ADGRB3: variants seen among roughly 807,000 people sequenced by gnomAD.
ADGRB3 encodes the protein brain-specific angiogenesis inhibitor 3.
In ADGRB3, 37 loss-of-function variants were observed where a neutral mutation model predicts 193.4. The ratio of observed to expected loss-of-function variants is 0.19; its 90% CI spans 0.15 to 0.25. The LOEUF (loss-of-function observed/expected upper bound fraction) is 0.25. ADGRB3 is among the 10% of genes least tolerant of loss of function. The pLI is 1.00. For synonymous variants in ADGRB3, 690 were observed against 644.2 expected (o/e 1.07, Z -1.08); for missense variants, 1,637 against 1,852.9 (o/e 0.88, Z 2.14).
chr6:69,271,333 A>G (rs1326494675), intron 20 of ADGRB3, among the ~76,000 whole-genome samples: 1 of 152,140 alleles, frequency 6.6e-6, no homozygotes, highest in African/African-American at 2.4e-5. Context: ...GGGTAAATGA[A>G]TGTTACATTA....
chr6:68,883,392 T>A (rs1765789961), intron 3 of ADGRB3, among the ~76,000 whole-genome samples: 1 of 152,168 alleles, frequency 6.6e-6, no homozygotes, highest in South Asian at 2.1e-4. Context: ...AAAAGCAGGC[T>A]GCAGCACCAG....
At chr6:69,332,239 T>A (rs1226942492) in intron 23 of ADGRB3, 12 of 985,358 alleles carry the variant, frequency 1.2e-5, no homozygotes, top group Non-Finnish European at 1.4e-5. Flanking sequence ...TTTCATTTCA[T>A]GTATCATGCA....
intron 21 of ADGRB3, among the ~76,000 whole-genome samples, chr6:69,325,520 A>G (rs541236319): frequency 2.6e-5 from 4 of 152,348 alleles, no homozygotes; most frequent in Admixed American, 6.5e-5. Context: ...CCTCAAAAGC[A>G]GAAACAGAAT....
At chr6:68,858,498 C>CAA (rs11435140) in intron 3 of ADGRB3, among the ~76,000 whole-genome samples, 916 of 76,620 alleles carry the variant, frequency 0.012, 9 homozygotes, top group African/African-American at 0.017. Context: ...TGCAACACTC[C>CAA]AAAAAAAAAA....
intron 3 of ADGRB3, among the ~76,000 whole-genome samples, chr6:68,653,323 C>A (rs936135156): frequency 1.3e-5 from 2 of 152,084 alleles, no homozygotes; most frequent in African/African-American, 4.8e-5. Flanking sequence ...CCTAATCTAT[C>A]CTATTCTGAC....
intron 13 of ADGRB3, among the ~76,000 whole-genome samples, chr6:69,026,142 T>G (rs1770428018): frequency 6.6e-6 from 1 of 152,196 alleles, no homozygotes; most frequent in Non-Finnish European, 1.5e-5. Flanking sequence ...CTCATGGAAT[T>G]TATGTTTTGT....
At chr6:69,050,597 T>A (rs1018994325) in intron 15 of ADGRB3, among the ~76,000 whole-genome samples, 1 of 152,200 alleles carries the variant, frequency 6.6e-6, no homozygotes, top group African/African-American at 2.4e-5. Flanking sequence ...TTGTGTTTGA[T>A]GTTGAGGAGA....
At chr6:68,836,429 G>C (rs113772490) in intron 3 of ADGRB3, among the ~76,000 whole-genome samples, 342 of 152,182 alleles carry the variant, frequency 2.2e-3, no homozygotes, top group African/African-American at 7.9e-3. Flanking sequence ...AGCAAAGATG[G>C]AGAAAACTCC....
chr6:68,974,690 C>A, intron 8 of ADGRB3, 73 bp from the exon 9 acceptor site: 1 of 1,152,464 alleles, frequency 8.7e-7, no homozygotes, highest in South Asian at 1.3e-5. Flanking sequence ...TAGAGAGGTG[C>A]CTTTGACAAT....
chr6:69,202,650 A>G (rs1751710), intron 17 of ADGRB3, among the ~76,000 whole-genome samples: 58,361 of 152,010 alleles, frequency 0.38, 12,261 homozygotes, highest in African/African-American at 0.56. Context: ...AACTAAGTTA[A>G]TCTCCCACAG....
intron 17 of ADGRB3, 114 bp from the exon 18 acceptor site, chr6:69,233,176 C>A (rs984314872): frequency 7.3e-7 from 1 of 1,371,670 alleles, no homozygotes; most frequent in African/African-American, 1.5e-5. Flanking sequence ...TTTTTTTTTC[C>A]TGTACAGGAA....
At chr6:68,900,854 T>C (rs1293242849) in intron 3 of ADGRB3, among the ~76,000 whole-genome samples, 1 of 152,170 alleles carries the variant, frequency 6.6e-6, no homozygotes, top group Non-Finnish European at 1.5e-5. Context: ...ACTCTGTATA[T>C]GAATTTGCCT....
intron 3 of ADGRB3, among the ~76,000 whole-genome samples, chr6:68,845,527 C>A (rs1453828050): frequency 1.3e-5 from 2 of 152,072 alleles, no homozygotes; most frequent in African/African-American, 4.8e-5. Flanking sequence ...CCCAGAATTC[C>A]CACGTGTTGT....
intron 3 of ADGRB3, among the ~76,000 whole-genome samples, chr6:68,721,636 A>G (rs536686421): frequency 1.3e-3 from 169 of 132,630 alleles, no homozygotes; most frequent in Non-Finnish European, 2.0e-3. Context: ...AAATATATAT[A>G]TATATATATA....
intron 3 of ADGRB3, among the ~76,000 whole-genome samples, chr6:68,767,048 A>G (rs1766523383): frequency 6.6e-6 from 1 of 152,194 alleles, no homozygotes; most frequent in Non-Finnish European, 1.5e-5. Flanking sequence ...TATTTTTTAT[A>G]TACTTTATAA....
intron 3 of ADGRB3, among the ~76,000 whole-genome samples, chr6:68,897,645 GGA>G (rs1359589641): frequency 7.3e-6 from 1 of 137,042 alleles, no homozygotes; most frequent in Non-Finnish European, 1.5e-5. Context: ...GAGGAAAGAG[GGA>G]AGGAAGGAAC....
chr6:68,763,586 A>G (rs921740249), intron 3 of ADGRB3, among the ~76,000 whole-genome samples: 3 of 152,220 alleles, frequency 2.0e-5, no homozygotes, highest in Non-Finnish European at 4.4e-5. Context: ...TAAGGGATGC[A>G]CATTTTAAAT....
chr6:68,724,662 T>C (rs1765641640), intron 3 of ADGRB3, among the ~76,000 whole-genome samples: 1 of 125,728 alleles, frequency 8.0e-6, no homozygotes. Flanking sequence ...CAAAAACCCA[T>C]ATTTTTTTTT....
chr6:68,794,235 A>G (rs1275385681), intron 3 of ADGRB3, among the ~76,000 whole-genome samples: 1 of 152,102 alleles, frequency 6.6e-6, no homozygotes. Context: ...AGCCAGAGCA[A>G]TCATGTAAAT....
Sources: gnomAD v4.1 joint callset for allele counts (sites outside exome capture counted in the v4.1 genomes callset) on GRCh38, gnomAD v4.1.1 for gene constraint, MANE v1.5 for transcripts, NCBI Gene and HGNC (gene_info 2026-07-23, HGNC 2026-07-21) for gene names.